ITPR2: variants seen among roughly 807,000 people sequenced by gnomAD.
The protein encoded by ITPR2 is inositol 1,4,5-trisphosphate-gated calcium channel ITPR2.
In ITPR2, 207 loss-of-function variants were observed where a neutral mutation model predicts 317.1. The ratio of observed to expected loss-of-function variants is 0.65; its 90% CI spans 0.58 to 0.73. The LOEUF (loss-of-function observed/expected upper bound fraction) is 0.73. ITPR2 is among the 30% of genes least tolerant of loss of function. The probability of loss-of-function intolerance (pLI) is 0.00; values close to 1 mark genes in which losing one functional copy is unlikely to be tolerated. For synonymous variants in ITPR2, 1,156 were observed against 1,149.1 expected (o/e 1.01, Z -0.12); for missense variants, 2,613 against 3,284.0 (o/e 0.80, Z 4.99).
intron 42 of ITPR2, among the ~76,000 whole-genome samples, chr12:26,482,460 C>G (rs1942563981): frequency 6.6e-6 from 1 of 152,188 alleles, no homozygotes; most frequent in South Asian, 2.1e-4. Flanking sequence ...CTGGAAACAG[C>G]AGAAGAGACA....
chr12:26,645,816 T>C (rs1947099856), intron 21 of ITPR2, among the ~76,000 whole-genome samples: 1 of 152,192 alleles, frequency 6.6e-6, no homozygotes, highest in Non-Finnish European at 1.5e-5. Context: ...GAGTCTGTAA[T>C]AGGACACTAG....
At chr12:26,808,100 T>C (rs1233756447) in intron 1 of ITPR2, among the ~76,000 whole-genome samples, 2 of 152,024 alleles carry the variant, frequency 1.3e-5, no homozygotes, top group Non-Finnish European at 2.9e-5. Context: ...TGAGGAAAAG[T>C]GTAGGCCTAG....
In ITPR2 at chr12:26,721,967, ACTGTCAGCAG is replaced by A. The variant is rs1180401662; in HGVS notation, c.525+420_525+429del. On this transcript the variant is annotated intron_variant, in intron 5 of 56. Coordinates refer to ENST00000381340, the MANE Select transcript of ITPR2 (RefSeq NM_002223.4). ...ACTCCATCTCTATTAAGACTTATAGACTGTCAGCAGCTGGCATACAGCCAGTAAATGGAAT... is the reference window on the plus strand; with the variant it reads ...ACTCCATCTCTATTAAGACTTATAGACTGGCATACAGCCAGTAAATGGAAT... Among the ~76,000 whole-genome samples, 6 of 152,212 alleles carry A rather than the reference ACTGTCAGCAG, an allele frequency of 3.9e-5. No individual in the cohort carries two copies. The East Asian group carries it at 1.2e-3, about 29-fold the overall frequency.
chr12:26,533,235 T>C (rs950500775), intron 37 of ITPR2, among the ~76,000 whole-genome samples: 1 of 152,242 alleles, frequency 6.6e-6, no homozygotes, highest in Non-Finnish European at 1.5e-5. Context: ...CCTATGTATC[T>C]GGTAGTCATT....
At chr12:26,478,868 T>C (rs954957247) in intron 43 of ITPR2, among the ~76,000 whole-genome samples, 2 of 152,070 alleles carry the variant, frequency 1.3e-5, no homozygotes, top group Admixed American at 6.6e-5. Flanking sequence ...TAGAATCTCA[T>C]ACTAAATGAG....
chr12:26,448,465 C>A (rs1054431543), intron 45 of ITPR2, among the ~76,000 whole-genome samples: 3 of 152,060 alleles, frequency 2.0e-5, no homozygotes, highest in African/African-American at 7.2e-5. Context: ...GCAAATGATG[C>A]CTACCCAGTT....
At chr12:26,423,447 AC>A (rs1940954212) in intron 49 of ITPR2, among the ~76,000 whole-genome samples, 1 of 152,172 alleles carries the variant, frequency 6.6e-6, no homozygotes, top group Non-Finnish European at 1.5e-5. Context: ...AAATGGTGAG[AC>A]CAACTTATTA....
chr12:26,770,657 T>A (rs1949823877), intron 2 of ITPR2, among the ~76,000 whole-genome samples: 1 of 152,228 alleles, frequency 6.6e-6, no homozygotes, highest in Non-Finnish European at 1.5e-5. Flanking sequence ...AGAATGTTAC[T>A]CCTCCCCCAT....
chr12:26,371,469 AG>A (rs1224738361), intron 55 of ITPR2, among the ~76,000 whole-genome samples: 38 of 152,362 alleles, frequency 2.5e-4, no homozygotes, highest in African/African-American at 8.2e-4. Flanking sequence ...AGTGAAAAAC[AG>A]GTAACAACTC....
intron 54 of ITPR2, among the ~76,000 whole-genome samples, chr12:26,389,978 T>C (rs1939782698): frequency 6.6e-6 from 1 of 152,310 alleles, no homozygotes; most frequent in Non-Finnish European, 1.5e-5. Context: ...TCACCAACGG[T>C]CCCAAAAGCT....
chr12:26,607,807 G>A (rs1946170925), intron 26 of ITPR2, among the ~76,000 whole-genome samples: 2 of 152,224 alleles, frequency 1.3e-5, no homozygotes, highest in South Asian at 4.2e-4. Flanking sequence ...GCGGCCGGGC[G>A]CAGTGGCTCA....
intron 37 of ITPR2, among the ~76,000 whole-genome samples, chr12:26,503,413 G>A (rs1482611572): frequency 2.0e-5 from 3 of 152,124 alleles, no homozygotes; most frequent in Admixed American, 1.3e-4. Flanking sequence ...ACAGTCTATG[G>A]AATCCATGGA....
chr12:26,734,130 G>A (rs894373783), intron 2 of ITPR2, among the ~76,000 whole-genome samples: 12 of 152,248 alleles, frequency 7.9e-5, no homozygotes, highest in African/African-American at 2.9e-4. Flanking sequence ...ATGCTTTGAA[G>A]TATTAGTTCT....
At chr12:26,705,768 A>G (rs1948539405) in intron 9 of ITPR2, among the ~76,000 whole-genome samples, 2 of 152,198 alleles carry the variant, frequency 1.3e-5, no homozygotes, top group African/African-American at 4.8e-5. Context: ...TTACCACTGC[A>G]TCAGTTCTGT....
At chr12:26,436,817 A>G (rs1223480041) in intron 47 of ITPR2, among the ~76,000 whole-genome samples, 1 of 152,226 alleles carries the variant, frequency 6.6e-6, no homozygotes, top group Non-Finnish European at 1.5e-5. Flanking sequence ...AATTCCTATG[A>G]CAGTCACAGT....
intron 55 of ITPR2, among the ~76,000 whole-genome samples, chr12:26,359,638 GGGA>G (rs1251184322): frequency 5.3e-5 from 8 of 152,152 alleles, no homozygotes; most frequent in Non-Finnish European, 1.2e-4. Context: ...TGCTTTTGGT[GGGA>G]GGAGATGGCA....
At chr12:26,556,905 C>T (rs909033123) in intron 35 of ITPR2, among the ~76,000 whole-genome samples, 1 of 151,926 alleles carries the variant, frequency 6.6e-6, no homozygotes, top group African/African-American at 2.4e-5. Flanking sequence ...ATGGTGAAAC[C>T]ATGTCTCTAC....
intron 10 of ITPR2, among the ~76,000 whole-genome samples, chr12:26,689,289 C>T (rs768440992): frequency 1.3e-5 from 2 of 151,988 alleles, no homozygotes; most frequent in African/African-American, 2.4e-5. Context: ...TGATGGCACA[C>T]GCCTATGGTC....
At chr12:26,491,821 A>G (rs970769313) in intron 39 of ITPR2, among the ~76,000 whole-genome samples, 2 of 152,322 alleles carry the variant, frequency 1.3e-5, no homozygotes, top group Admixed American at 1.3e-4. Context: ...GAGAGAGGCA[A>G]TGGCAAAAGG....
Sources: allele counts gnomAD v4.1 joint callset (sites outside exome capture counted in the v4.1 genomes callset), GRCh38; gene constraint gnomAD v4.1.1; transcripts MANE v1.5; gene names NCBI Gene and HGNC (gene_info 2026-07-23, HGNC 2026-07-21).